The following MRC1 variants were observed in gnomAD, a reference collection of about 807,000 sequenced individuals.
MRC1 encodes the protein mannose receptor C-type 1, also known as macrophage mannose receptor 1.
Under a neutral mutation model 102.9 loss-of-function variants are expected in MRC1, and 62 were observed. That is an observed-to-expected ratio of 0.60 (90% CI 0.49 to 0.74). The LOEUF is 0.74. Ranked by LOEUF, MRC1 falls within the 30% of genes least tolerant of loss-of-function variation. The pLI is 0.00. For synonymous variants in MRC1, 457 were observed against 298.4 expected (o/e 1.53, Z -5.48); for missense variants, 1,237 against 862.8 (o/e 1.43, Z -5.43).
intron 7 of MRC1, among the ~76,000 whole-genome samples, chr10:17,851,246 A>T (rs1554840545): frequency 0.92 from 139,627 of 152,200 alleles, 64,123 homozygotes; most frequent in African/African-American, 0.96. Flanking sequence ...GAAATTCAGC[A>T]TGAGAATTAG....
Position 17,823,151 on chromosome 10 carries a change from G to T in MRC1, c.139G>T (p.Ala47Ser), listed in dbSNP as rs1484301736. The T allele has an allele frequency of 1.3e-6, 1 of 780,654 alleles. No individual in the cohort carries two copies. The highest frequency in any genetic ancestry group is 1.7e-5 in the African/African-American group (1 of 59,084). The allele number at this position is 780,654 out of a possible 1,614,324, so 48.4% of individuals were successfully genotyped here. Reference sequence around the variant, plus strand: ...AGTGAGTCCCAGTGCCGTCCAAACCGCAGCTTGCAACCAGGATGCCGAATC... The same window carrying T: ...AGTGAGTCCCAGTGCCGTCCAAACCTCAGCTTGCAACCAGGATGCCGAATC... ...DAVSPSAVQTAACNQDAESQK... is the reference protein window; with the variant it reads ...DAVSPSAVQTSACNQDAESQK... Residue 47 changes from alanine (A) to serine (S), a missense_variant, in exon 2 of 30, where the codon GCA (alanine) becomes TCA (serine). Coordinates refer to ENST00000569591, the MANE Select transcript of MRC1 (RefSeq NM_002438.4).
At position 17,885,452 on chromosome 10, in the gene MRC1, G is replaced by C; in HGVS notation, c.3147+17G>C. The C allele has an allele frequency of 1.3e-6, 1 of 780,466 alleles. No homozygotes were observed. The highest frequency in any genetic ancestry group is 2.4e-6 in the Non-Finnish European group (1 of 417,894). 48.3% of individuals were successfully genotyped at this position (780,466 alleles called of 1,614,324 possible). A position where few individuals can be genotyped will look rare whatever the true frequency, so the allele number is the denominator to read the frequency against. On this transcript the variant is annotated intron_variant, in intron 22 of 29. Coordinates refer to ENST00000569591, the MANE Select transcript of MRC1 (RefSeq NM_002438.4). ...TATGAAGATGTAAATATCAGATTCAGGTCACCTCTCTACACACCATCAGCT... is the reference window on the plus strand; with the variant it reads ...TATGAAGATGTAAATATCAGATTCACGTCACCTCTCTACACACCATCAGCT...
At chr10:17,832,063 T>A (rs1201222501) in intron 3 of MRC1, among the ~76,000 whole-genome samples, 1 of 151,628 alleles carries the variant, frequency 6.6e-6, no homozygotes, top group African/African-American at 2.4e-5. Context: ...ATAATTTATC[T>A]GAAGTCAAGT....
chr10:17,840,676 T>C lies in MRC1; in HGVS notation c.803-17T>C. 1 of 780,206 alleles carries C rather than the reference T, an allele frequency of 1.3e-6. No homozygotes were observed. The highest frequency in any genetic ancestry group is 1.3e-5 in the South Asian group (1 of 74,372). 48.3% of individuals were successfully genotyped at this position (780,206 alleles called of 1,614,324 possible). A position where few individuals can be genotyped will look rare whatever the true frequency, so the allele number is the denominator to read the frequency against. The stretch of plus-strand genomic sequence containing the variant: ...CCAAGTTCTTGTTTGTTTGTTTTGC[T>C]TTCTTTAAAAATATAGGATTAACCA... On this transcript the variant is annotated splice_polypyrimidine_tract_variant and intron_variant, in intron 4 of 29. Coordinates refer to ENST00000569591, the MANE Select transcript of MRC1 (RefSeq NM_002438.4).
chr10:17,821,442 C>T (rs529705549), intron 1 of MRC1, among the ~76,000 whole-genome samples: 2,017 of 152,240 alleles, frequency 0.013, 38 homozygotes, highest in African/African-American at 0.046. Flanking sequence ...TATGTGTCAA[C>T]ATGGCTGGGT....
At chr10:17,812,318 G>A (rs1228660414) in intron 1 of MRC1, among the ~76,000 whole-genome samples, 18 of 152,230 alleles carry the variant, frequency 1.2e-4, no homozygotes, top group Admixed American at 8.5e-4. Flanking sequence ...CATGAGAGCC[G>A]GTGGGACACA....
Position 17,849,884 on chromosome 10 carries a change from C to T in MRC1, c.1249+120C>T, listed in dbSNP as rs1048664757. Reference sequence around the variant, plus strand: ...TAATCAATGTAAATCAATAATTCAACGAACAACGTATGAATTTAATCACAA... The same window carrying T: ...TAATCAATGTAAATCAATAATTCAATGAACAACGTATGAATTTAATCACAA... On this transcript the variant is annotated intron_variant, in intron 7 of 29. Transcript: ENST00000569591. 1.3e-3 allele frequency: 758 copies of T among 605,002 alleles called. 5 individuals are homozygous for T. The highest frequency in any genetic ancestry group is 0.011 in the African/African-American group (596 of 54,568). 37.5% of individuals were successfully genotyped at this position (605,002 alleles called of 1,614,324 possible).
intron 23 of MRC1, among the ~76,000 whole-genome samples, chr10:17,897,709 G>C (rs952170609): frequency 1.4e-4 from 22 of 152,096 alleles, no homozygotes; most frequent in African/African-American, 5.3e-4. Flanking sequence ...TTAATTTGTG[G>C]GATTAAACTA....
At chr10:17,901,336 A>G (rs1209409220) in intron 25 of MRC1, among the ~76,000 whole-genome samples, 1 of 152,222 alleles carries the variant, frequency 6.6e-6, no homozygotes, top group Non-Finnish European at 1.5e-5. Context: ...CAGAAAAGGA[A>G]AACAGTGACT....
chr10:17,873,841 T>C lies in MRC1; in HGVS notation c.2386+16T>C, dbSNP rs1833389037. ...CCTCAAGACAGTAGGTGTTTTCTTA[T>C]TTTCTGATCTCTGTACTGATAACCC... On this transcript the variant is annotated intron_variant, in intron 16 of 29. Coordinates refer to ENST00000569591, the MANE Select transcript of MRC1 (RefSeq NM_002438.4). 1 of 872,504 alleles carries C rather than the reference T, an allele frequency of 1.1e-6. No homozygotes were observed. The allele number at this position is 872,504 out of a possible 1,614,324, so 54.0% of individuals were successfully genotyped here.
chr10:17,854,900 C>T (rs992612150), intron 8 of MRC1: 49 of 153,492 alleles, frequency 3.2e-4, no homozygotes, highest in African/African-American at 8.2e-4. Flanking sequence ...CATGTTGGCC[C>T]GGCTAGTCTT....
intron 1 of MRC1, among the ~76,000 whole-genome samples, chr10:17,813,652 T>C (rs1011428819): frequency 3.1e-5 from 4 of 129,940 alleles, no homozygotes; most frequent in African/African-American, 1.1e-4. Context: ...AATATATACA[T>C]ATATATATAT....
chr10:17,866,059 G>A (rs1258641802), intron 11 of MRC1, among the ~76,000 whole-genome samples: 1 of 152,140 alleles, frequency 6.6e-6, no homozygotes, highest in Non-Finnish European at 1.5e-5. Context: ...ATTCCTTACA[G>A]TTCTATGAGG....
chr10:17,883,995 C>T (rs1833554948), intron 21 of MRC1, among the ~76,000 whole-genome samples: 1 of 151,914 alleles, frequency 6.6e-6, no homozygotes, highest in African/African-American at 2.4e-5. Flanking sequence ...GAGATGGGGT[C>T]TCCCTCTGTT....
chr10:17,909,944 G>A (rs1833946765), intron 29 of MRC1, among the ~76,000 whole-genome samples: 1 of 151,418 alleles, frequency 6.6e-6, no homozygotes. Context: ...AAATTATTTT[G>A]AAATAAGGTA....
At chr10:17,822,443 G>T (rs1310823099) in intron 1 of MRC1, among the ~76,000 whole-genome samples, 2 of 152,132 alleles carry the variant, frequency 1.3e-5, no homozygotes, top group African/African-American at 4.8e-5. Context: ...GGGCAACACA[G>T]TGACTCTATC....
At chr10:17,903,159 T>C (rs1833851150) in intron 26 of MRC1, among the ~76,000 whole-genome samples, 2 of 152,090 alleles carry the variant, frequency 1.3e-5, no homozygotes, top group Non-Finnish European at 2.9e-5. Context: ...CATAGTTGGA[T>C]CTTTCTTATT....
intron 1 of MRC1, among the ~76,000 whole-genome samples, chr10:17,818,093 G>A (rs1159729150): frequency 1.3e-5 from 2 of 152,204 alleles, no homozygotes; most frequent in African/African-American, 2.4e-5. Flanking sequence ...AGATAAGTGT[G>A]TATTGAAACA....
chr10:17,902,059 T>TA lies in MRC1; in HGVS notation c.3737dup (p.Tyr1246Ter). The part of the protein sequence containing the change: ...TAWIPFHGHC[Y>*]YIESSYTRNW... ...ATGGATTCCTTTCCATGGTCACTGT[T>TA]ACTATATTGAGTCCTCATATACAAG... Residue 1246 changes from tyrosine (Y) to a stop codon, truncating the protein, a stop_gained and frameshift_variant, in exon 26 of 30, where the codon TAC becomes TAAC. Coordinates refer to ENST00000569591, the MANE Select transcript of MRC1 (RefSeq NM_002438.4). LOFTEE classifies it high-confidence loss of function. The TA allele has an allele frequency of 1.3e-6, 1 of 780,826 alleles. No individual in the cohort carries two copies. Among genetic ancestry groups the TA allele is most frequent in the Non-Finnish European group, 2.4e-6 (1 of 417,954 alleles). The allele number at this position is 780,826 out of a possible 1,614,324, so 48.4% of individuals were successfully genotyped here.
Sources: gnomAD v4.1 joint callset for allele counts (sites outside exome capture counted in the v4.1 genomes callset) on GRCh38, gnomAD v4.1.1 for gene constraint, MANE v1.5 for transcripts, NCBI Gene and HGNC (gene_info 2026-07-23, HGNC 2026-07-21) for gene names.